The following GLIPR2 variants were observed in gnomAD, a reference collection of about 807,000 sequenced individuals.
GLIPR2 encodes Golgi-associated plant pathogenesis-related protein 1.
GLIPR2 carries 21 observed loss-of-function variants against 20.4 expected under a neutral mutation model. The ratio of observed to expected loss-of-function variants is 1.03; its 90% confidence interval spans 0.73 to 1.48. GLIPR2 has a LOEUF of 1.48. GLIPR2 is among the 40% of genes most tolerant of loss of function. The pLI is 0.00. For synonymous variants in GLIPR2, 91 were observed against 80.5 expected (o/e 1.13, Z -0.70); for missense variants, 205 against 200.1 (o/e 1.02, Z -0.15).
chr9:36,161,723 G>C (rs1051668372), intron 4 of GLIPR2, among the ~76,000 whole-genome samples: 1 of 152,168 alleles, frequency 6.6e-6, no homozygotes, highest in African/African-American at 2.4e-5. Context: ...GGGATCACTG[G>C]AGAGCTTCAA....
intron 4 of GLIPR2, among the ~76,000 whole-genome samples, chr9:36,153,145 A>T (rs1018248020): frequency 2.6e-5 from 4 of 151,276 alleles, no homozygotes; most frequent in Admixed American, 2.0e-4. Context: ...AAAAAAAAGA[A>T]AGTAGGGCTT....
At chr9:36,160,359 G>A (rs370740427) in intron 4 of GLIPR2, among the ~76,000 whole-genome samples, 6 of 152,234 alleles carry the variant, frequency 3.9e-5, no homozygotes, top group East Asian at 1.9e-4. Context: ...CGGCAGTGGC[G>A]GCATGTGCCT....
chr9:36,162,835 A>G lies in GLIPR2; in HGVS notation c.*313A>G, dbSNP rs1032708921. 4.1e-5 allele frequency: 19 copies of G among 458,948 alleles called. No individual in the cohort carries two copies. In the East Asian group the frequency reaches 7.5e-4, roughly 18 times the overall value. The allele number at this position is 458,948 out of a possible 1,614,324, so 28.4% of individuals were successfully genotyped here. A position where few individuals can be genotyped will look rare whatever the true frequency, so the allele number is the denominator to read the frequency against. On this transcript the variant is annotated 3_prime_UTR_variant, in exon 5 of 5. Coordinates refer to ENST00000377960, the MANE Select transcript of GLIPR2 (RefSeq NM_022343.4). The stretch of plus-strand genomic sequence containing the variant: ...AGCAAACCTCTTTTGTACTTTTCTT[A>G]CTTCTAATATCCATCCCTGGACTTT...
rs527855095 is a variant in GLIPR2, at chr9:36,158,078, G to T, written c.305-4284G>T. Among the ~76,000 whole-genome samples, 12 of 152,332 alleles carry T rather than the reference G, an allele frequency of 7.9e-5. No individual in the cohort carries two copies. The South Asian group carries it at 2.3e-3, about 29-fold the overall frequency. The stretch of plus-strand genomic sequence containing the variant: ...TCCGCCCACCTCAACCTCCCAAAGT[G>T]CTGGGATTACAGGCGTGAGCCACTG... On this transcript the variant is annotated intron_variant, in intron 4 of 4. Transcript: ENST00000377960.
intron 3 of GLIPR2, among the ~76,000 whole-genome samples, chr9:36,149,590 C>A (rs1287040796): frequency 2.0e-5 from 3 of 152,228 alleles, no homozygotes; most frequent in African/African-American, 2.4e-5. Flanking sequence ...TCCAGCCTCG[C>A]ACAGCCTCCC....
intron 1 of GLIPR2, among the ~76,000 whole-genome samples, chr9:36,141,267 A>G (rs1238087847): frequency 6.6e-6 from 1 of 152,218 alleles, no homozygotes; most frequent in Non-Finnish European, 1.5e-5. Context: ...ATGGCCAGTA[A>G]AAGGCAGTGC....
chr9:36,156,405 AAAAAAAAG>A (rs1587154446), intron 4 of GLIPR2, among the ~76,000 whole-genome samples: 1 of 150,792 alleles, frequency 6.6e-6, no homozygotes, highest in Non-Finnish European at 1.5e-5. Flanking sequence ...AAAAAAAAAA[AAAAAAAAG>A]AAATTGTAGT....
Position 36,162,444 on chromosome 9 carries a change from G to A in GLIPR2, c.387G>A (p.Val129=). 6.2e-7 allele frequency: 1 copy of A among 1,614,202 alleles called. No individual in the cohort carries two copies. Among genetic ancestry groups the A allele is most frequent in the Non-Finnish European group, 8.5e-7 (1 of 1,180,034 alleles). Reference sequence around the variant, plus strand: ...CCGCAAGTGACGGGTCCTCCTTTGTGGTGGCCAGATACTTCCCAGCGGGGA... The same window carrying A: ...CCGCAAGTGACGGGTCCTCCTTTGTAGTGGCCAGATACTTCCCAGCGGGGA... ...KASASDGSSF[V]VARYFPAGNV... The change falls in exon 5 of 5, where the codon GTG becomes GTA. Residue 129 remains valine, a synonymous_variant. Transcript: ENST00000377960.
Position 36,162,804 on chromosome 9 carries a change from T to C in GLIPR2, c.*282T>C, listed in dbSNP as rs1826116373. On this transcript the variant is annotated 3_prime_UTR_variant, in exon 5 of 5. Transcript: ENST00000377960. ...GTTTTTTTTTTTTAATTTTTTGTTA[T>C]TTCTAAGCAAACCTCTTTTGTACTT... 4.0e-6 allele frequency: 2 copies of C among 502,962 alleles called. No individual in the cohort carries two copies. Among genetic ancestry groups the C allele is most frequent in the Non-Finnish European group, 7.3e-6 (2 of 273,814 alleles). The allele number at this position is 502,962 out of a possible 1,614,324, so 31.2% of individuals were successfully genotyped here.
Position 36,147,848 on chromosome 9 carries a change from G to A in GLIPR2, c.76G>A (p.Val26Ile), listed in dbSNP as rs139645817. 1.0e-4 allele frequency: 165 copies of A among 1,599,076 alleles called. 1 individual carries two copies. The African/African-American group carries it at 1.2e-3, about 11-fold the overall frequency. ...AHNEYRQKHG[V>I]PPLKLCKNLN... ...CAATGAGTACCGGCAGAAGCACGGC[G>A]TCCCCCCACTGAAGCTCTGCAAGAA... Residue 26 changes from valine to isoleucine, a missense_variant, in exon 2 of 5, where the codon GTC (valine) becomes ATC (isoleucine). Val to Ile is a conservative substitution (Grantham distance 29). Coordinates refer to ENST00000377960, the MANE Select transcript of GLIPR2 (RefSeq NM_022343.4).
intron 1 of GLIPR2, among the ~76,000 whole-genome samples, chr9:36,140,747 G>A (rs1254472634): frequency 6.6e-6 from 1 of 152,142 alleles, no homozygotes; most frequent in Non-Finnish European, 1.5e-5. Context: ...AGGGGAGGGG[G>A]TAAAGGGAGG....
intron 3 of GLIPR2, among the ~76,000 whole-genome samples, chr9:36,149,412 G>A (rs950803339): frequency 4.6e-5 from 7 of 152,226 alleles, no homozygotes; most frequent in African/African-American, 1.7e-4. Flanking sequence ...CCTGTGCAAC[G>A]TGGTCCTTGG....
At chr9:36,138,517 C>T (rs2132704194) in intron 1 of GLIPR2, among the ~76,000 whole-genome samples, 1 of 152,294 alleles carries the variant, frequency 6.6e-6, no homozygotes, top group South Asian at 2.1e-4. Context: ...CCAGCCTAGG[C>T]TACACCTTAA....
intron 1 of GLIPR2, 89 bp from the exon 2 acceptor site, chr9:36,147,697 T>C (rs928130583): frequency 5.3e-6 from 4 of 749,746 alleles, no homozygotes; most frequent in Admixed American, 1.7e-5. Flanking sequence ...GCCTAAGGTT[T>C]GAGCTGGGTG....
At chr9:36,147,114 A>G (rs1461759903) in intron 1 of GLIPR2, among the ~76,000 whole-genome samples, 1 of 152,024 alleles carries the variant, frequency 6.6e-6, no homozygotes, top group East Asian at 1.9e-4. Flanking sequence ...ACCCCAAAAT[A>G]ATGCTTTACC....
At position 36,147,830 on chromosome 9, in the gene GLIPR2, T is replaced by G; in HGVS notation, c.58T>G (p.Tyr20Asp). The part of the protein sequence containing the change: ...HNEVLKAHNE[Y>D]RQKHGVPPLK... Reference sequence around the variant, plus strand: ...TGAGGTCCTGAAGGCCCACAATGAGTACCGGCAGAAGCACGGCGTCCCCCC... The same window carrying G: ...TGAGGTCCTGAAGGCCCACAATGAGGACCGGCAGAAGCACGGCGTCCCCCC... Residue 20 changes from tyrosine to aspartate, a missense_variant, in exon 2 of 5, where the codon TAC becomes GAC. Coordinates refer to ENST00000377960, the MANE Select transcript of GLIPR2 (RefSeq NM_022343.4). The G allele has an allele frequency of 6.2e-7, 1 of 1,601,550 alleles. No individual in the cohort carries two copies. The highest frequency in any genetic ancestry group is 8.6e-7 in the Non-Finnish European group (1 of 1,168,606).
chr9:36,146,125 C>T lies in GLIPR2; in HGVS notation c.14-1661C>T, dbSNP rs145882406. The T allele has an allele frequency of 7.6e-3, 1,160 of 152,560 alleles. 15 individuals are homozygous for T. The highest frequency in any genetic ancestry group is 0.035 in the South Asian group (172 of 4,982). 9.5% of individuals were successfully genotyped at this position (152,560 alleles called of 1,614,324 possible). On this transcript the variant is annotated intron_variant, in intron 1 of 4. Transcript: ENST00000377960. ...ATTAAAAAACAGTTTATTTGGCTCA[C>T]GGTTCTGGAGGCTGGGAAGTCCAAG... is the stretch of plus-strand genomic sequence containing the variant.
rs189799839 is a variant in GLIPR2 at position 36,143,753 on chromosome 9, G to A, written c.14-4033G>A. Reference sequence around the variant, plus strand: ...TCTCAGGCCTGAGTCCCTCCAAGAGGGACTCACCTGCCTGAATTCCTTCAG... The same window carrying A: ...TCTCAGGCCTGAGTCCCTCCAAGAGAGACTCACCTGCCTGAATTCCTTCAG... On this transcript the variant is annotated intron_variant, in intron 1 of 4. Coordinates refer to ENST00000377960, the MANE Select transcript of GLIPR2 (RefSeq NM_022343.4). Among the ~76,000 whole-genome samples, 1,331 of 152,204 alleles carry A rather than the reference G, an allele frequency of 8.7e-3. 11 individuals are homozygous for A. Among genetic ancestry groups the A allele is most frequent in the South Asian group, 0.014 (67 of 4,818 alleles).
At chr9:36,142,736 GGGTTTTTCTC>G (rs1421938725) in intron 1 of GLIPR2, among the ~76,000 whole-genome samples, 8 of 152,046 alleles carry the variant, frequency 5.3e-5, no homozygotes, top group African/African-American at 1.9e-4. Flanking sequence ...CTGTATTCTT[GGGTTTTTCTC>G]GGTGGGGGTA....
Sources: gnomAD v4.1 joint callset for allele counts (sites outside exome capture counted in the v4.1 genomes callset) on GRCh38, gnomAD v4.1.1 for gene constraint, MANE v1.5 for transcripts, NCBI Gene and HGNC (gene_info 2026-07-23, HGNC 2026-07-21) for gene names.